Variants in MAP2K6 observed in about 807,000 individuals in gnomAD.
The protein encoded by MAP2K6 is mitogen-activated protein kinase kinase 6, also known as dual specificity mitogen-activated protein kinase kinase 6.
Under a neutral mutation model 53.7 loss-of-function variants are expected in MAP2K6, and 16 were observed. The observed-to-expected ratio is 0.30, with a 90% confidence interval of 0.20 to 0.45. The LOEUF (loss-of-function observed/expected upper bound fraction) is 0.45. Ranked by LOEUF, MAP2K6 falls within the 20% of genes least tolerant of loss-of-function variation. The pLI is 1.00. For missense variants in MAP2K6, 204 were observed against 411.9 expected, an observed-to-expected ratio of 0.50 and a Z score of 4.37; for synonymous variants, 132 against 143.1, an observed-to-expected ratio of 0.92 and a Z score of 0.55.
chr17:69,420,737 A>T (rs980584276), intron 1 of MAP2K6, among the ~76,000 whole-genome samples: 4 of 151,626 alleles, frequency 2.6e-5, no homozygotes, highest in South Asian at 2.1e-4. Context: ...CATTTATAAA[A>T]TTTTTTTTTC....
rs889555067 is a variant in MAP2K6 at position 69,552,792 on chromosome 17, G to A, written c.*11039G>A. 6.6e-6 allele frequency: 1 copy of A among 152,008 alleles called. No individual in the cohort carries two copies. Among genetic ancestry groups the A allele is most frequent in the African/African-American group, 2.4e-5 (1 of 41,378 alleles). The allele number at this position is 152,008 out of a possible 1,614,324, so 9.4% of individuals were successfully genotyped here. A position where few individuals can be genotyped will look rare whatever the true frequency, so the allele number is the denominator to read the frequency against. On this transcript the variant is annotated 3_prime_UTR_variant, in exon 12 of 12. Coordinates refer to ENST00000590474, the MANE Select transcript of MAP2K6 (RefSeq NM_002758.4). ...TTTGTTTTCTTTGCCTGTTGGCTTT[G>A]GTGGCTCCAAACATTTTCATTTTAG...
chr17:69,444,975 C>T (rs918652609), intron 1 of MAP2K6, among the ~76,000 whole-genome samples: 4 of 152,100 alleles, frequency 2.6e-5, no homozygotes, highest in African/African-American at 9.7e-5. Context: ...GGCTGGAGTG[C>T]GGTGGCACGA....
intron 1 of MAP2K6, among the ~76,000 whole-genome samples, chr17:69,489,239 A>AAG (rs1555606253): frequency 2.7e-5 from 4 of 150,248 alleles, no homozygotes; most frequent in African/African-American, 7.4e-5. Context: ...AAAAAAAAAA[A>AAG]GGAAAAAAGG....
chr17:69,462,769 G>T (rs1386103588), intron 1 of MAP2K6, among the ~76,000 whole-genome samples: 1 of 151,960 alleles, frequency 6.6e-6, no homozygotes, highest in Non-Finnish European at 1.5e-5. Flanking sequence ...CTTGCCCTTA[G>T]AATGCCCTTT....
chr17:69,505,975 C>T (rs1211870768), intron 2 of MAP2K6, 129 bp downstream of exon 2: 17 of 707,382 alleles, frequency 2.4e-5, no homozygotes, highest in Non-Finnish European at 2.2e-5. Context: ...GCCATTTGCT[C>T]ACTGTTCTGA....
At chr17:69,432,730 G>A (rs899165689) in intron 1 of MAP2K6, among the ~76,000 whole-genome samples, 13 of 151,694 alleles carry the variant, frequency 8.6e-5, no homozygotes, top group African/African-American at 3.1e-4. Flanking sequence ...TGGGTTGATG[G>A]GTGCAGCAAA....
chr17:69,450,384 A>C (rs943154365), intron 1 of MAP2K6, among the ~76,000 whole-genome samples: 6 of 152,228 alleles, frequency 3.9e-5, no homozygotes, highest in African/African-American at 1.4e-4. Flanking sequence ...TAGCATCCGA[A>C]AAGGTTGGTC....
intron 1 of MAP2K6, among the ~76,000 whole-genome samples, chr17:69,482,917 A>C (rs2145193497): frequency 6.6e-6 from 1 of 152,100 alleles, no homozygotes; most frequent in South Asian, 2.1e-4. Flanking sequence ...GGAACTTTTA[A>C]TGACGAGGAG....
chr17:69,420,600 A>T (rs1906046391), intron 1 of MAP2K6, among the ~76,000 whole-genome samples: 1 of 152,212 alleles, frequency 6.6e-6, no homozygotes, highest in Non-Finnish European at 1.5e-5. Flanking sequence ...ACATAAGCTA[A>T]CTGAGGCCTT....
intron 1 of MAP2K6, among the ~76,000 whole-genome samples, chr17:69,444,775 G>T (rs1032231022): frequency 6.6e-6 from 1 of 152,132 alleles, no homozygotes; most frequent in Non-Finnish European, 1.5e-5. Context: ...CTCAAGAGGT[G>T]GAAGAGTCAC....
At chr17:69,444,029 T>G (rs1906897863) in intron 1 of MAP2K6, among the ~76,000 whole-genome samples, 1 of 152,158 alleles carries the variant, frequency 6.6e-6, no homozygotes, top group African/African-American at 2.4e-5. Flanking sequence ...AAAACTAGAT[T>G]TTTAAAGATT....
chr17:69,500,769 A>G (rs1909140228), intron 1 of MAP2K6, among the ~76,000 whole-genome samples: 1 of 151,710 alleles, frequency 6.6e-6, no homozygotes, highest in Non-Finnish European at 1.5e-5. Flanking sequence ...AAAAAAAGAA[A>G]AAAAAAAAGA....
chr17:69,482,008 C>T (rs1028194690), intron 1 of MAP2K6, among the ~76,000 whole-genome samples: 1 of 152,052 alleles, frequency 6.6e-6, no homozygotes, highest in East Asian at 1.9e-4. Context: ...GATTTAAATG[C>T]CCGTAAAATT....
chr17:69,517,451 C>G (rs748495923), intron 3 of MAP2K6, 49 bp from the exon 4 acceptor site: 1 of 1,025,606 alleles, frequency 9.8e-7, no homozygotes, highest in Non-Finnish European at 1.5e-6. Flanking sequence ...GCTCTCTGTT[C>G]TGTTTATTTT....
At chr17:69,505,405 T>G (rs1173106234) in intron 1 of MAP2K6, 1 of 182,902 alleles carries the variant, frequency 5.5e-6, no homozygotes. Context: ...ATTGTGCCAC[T>G]GTACTCCAGC....
intron 1 of MAP2K6, among the ~76,000 whole-genome samples, chr17:69,439,472 G>C (rs954262577): frequency 3.3e-5 from 5 of 152,272 alleles, no homozygotes; most frequent in Middle Eastern, 3.4e-3. Context: ...TTGTGAAGAA[G>C]GTTCAGAGAT....
At chr17:69,512,091 A>G (rs1028531089) in intron 2 of MAP2K6, among the ~76,000 whole-genome samples, 6 of 152,004 alleles carry the variant, frequency 3.9e-5, no homozygotes, top group Non-Finnish European at 5.9e-5. Flanking sequence ...CAATTGCTCA[A>G]TGAAAGGTAA....
At chr17:69,454,834 T>C (rs1400440001) in intron 1 of MAP2K6, among the ~76,000 whole-genome samples, 1 of 152,212 alleles carries the variant, frequency 6.6e-6, no homozygotes, top group Non-Finnish European at 1.5e-5. Flanking sequence ...GATATAGATA[T>C]GGGTATAATA....
At chr17:69,451,468 G>A (rs900523989) in intron 1 of MAP2K6, among the ~76,000 whole-genome samples, 3 of 152,198 alleles carry the variant, frequency 2.0e-5, no homozygotes, top group Non-Finnish European at 4.4e-5. Context: ...AGGTTGGCAG[G>A]GAAGAAACAT....
Sources: allele counts gnomAD v4.1 joint callset (sites outside exome capture counted in the v4.1 genomes callset), GRCh38; gene constraint gnomAD v4.1.1; transcripts MANE v1.5; gene names NCBI Gene and HGNC (gene_info 2026-07-23, HGNC 2026-07-21).